The following NAALADL2 variants were observed in gnomAD, a reference collection of about 807,000 sequenced individuals.
NAALADL2 encodes N-acetylated alpha-linked acidic dipeptidase like 2.
A neutral mutation model predicts 87.2 loss-of-function variants in NAALADL2; 76 were observed. That is an observed-to-expected ratio of 0.87 (90% CI 0.72 to 1.05). The LOEUF is 1.05. Ranked by LOEUF, NAALADL2 falls within the 50% of genes least tolerant of loss-of-function variation. The pLI is 0.00. For synonymous variants in NAALADL2, 354 were observed against 331.0 expected (o/e 1.07, Z -0.75); for missense variants, 1,089 against 945.8 (o/e 1.15, Z -1.99).
At chr3:175,767,972 A>T (rs1033189324) in intron 13 of NAALADL2, among the ~76,000 whole-genome samples, 1 of 152,202 alleles carries the variant, frequency 6.6e-6, no homozygotes, top group Admixed American at 6.5e-5. Flanking sequence ...TGCACTTCGA[A>T]AAATGTTTGT....
intron 1 of NAALADL2, among the ~76,000 whole-genome samples, chr3:174,501,344 CT>C (rs1175375588): frequency 7.0e-6 from 1 of 143,032 alleles, no homozygotes; most frequent in African/African-American, 3.1e-5. Flanking sequence ...TTCCAAAGTG[CT>C]GGGATTACAG....
chr3:175,561,868 C>T (rs1716327755), intron 9 of NAALADL2, among the ~76,000 whole-genome samples: 1 of 152,118 alleles, frequency 6.6e-6, no homozygotes, highest in African/African-American at 2.4e-5. Context: ...TTTTGTGTGA[C>T]TAGGTTATTT....
upstream of NAALADL2, among the ~76,000 whole-genome samples, chr3:174,855,903 G>T (rs867475234): frequency 2.2e-5 from 3 of 137,098 alleles, no homozygotes; most frequent in East Asian, 4.1e-4. Flanking sequence ...TATACACATA[G>T]ATATGAATAT....
intron 1 of NAALADL2, among the ~76,000 whole-genome samples, chr3:175,027,209 T>A (rs1395094650): frequency 6.6e-6 from 1 of 152,116 alleles, no homozygotes; most frequent in Non-Finnish European, 1.5e-5. Flanking sequence ...TTGTCTCAGA[T>A]CATAGCAGGT....
chr3:175,024,632 A>C (rs1751985545), intron 1 of NAALADL2, among the ~76,000 whole-genome samples: 1 of 152,154 alleles, frequency 6.6e-6, no homozygotes, highest in African/African-American at 2.4e-5. Flanking sequence ...ATAGTGAAAC[A>C]TAAATTTTTT....
intron 1 of NAALADL2, among the ~76,000 whole-genome samples, chr3:175,095,147 ATTCTTAT>A (rs1378648765): frequency 6.6e-6 from 1 of 151,950 alleles, no homozygotes; most frequent in Non-Finnish European, 1.5e-5. Context: ...CAAATGGGGC[ATTCTTAT>A]TCTCTCTTTG....
chr3:175,313,509 A>T (rs963074746), intron 4 of NAALADL2, among the ~76,000 whole-genome samples: 1 of 152,194 alleles, frequency 6.6e-6, no homozygotes, highest in East Asian at 1.9e-4. Context: ...GTGGTAGTTC[A>T]GGATGCCATA....
intron 11 of NAALADL2, among the ~76,000 whole-genome samples, chr3:175,710,320 A>G (rs1740353314): frequency 6.6e-6 from 1 of 151,958 alleles, no homozygotes; most frequent in South Asian, 2.1e-4. Context: ...GAAGATTTTT[A>G]TTGTGAAGTA....
Position 175,236,565 on chromosome 3 carries a change from A to AAAG in NAALADL2, c.819+2367_819+2369dup, listed in dbSNP as rs1435702495. 1.2e-4 allele frequency among the ~76,000 whole-genome samples: 17 copies of AAAG among 147,654 alleles called. 1 individual carries two copies. Among genetic ancestry groups the AAAG allele is most frequent in the Non-Finnish European group, 1.5e-4 (10 of 67,110 alleles). ...CTCCTTCTCAAAAAAAAAAAAAAAA[A>AAAG]AAGAAGAAAAAGCGGGGGTGGGTAT... On this transcript the variant is annotated intron_variant, in intron 3 of 13. Coordinates refer to ENST00000454872, the MANE Select transcript of NAALADL2 (RefSeq NM_207015.3).
chr3:175,600,827 G>A (rs139793347), intron 10 of NAALADL2, among the ~76,000 whole-genome samples: 2,290 of 152,080 alleles, frequency 0.015, 58 homozygotes, highest in African/African-American at 0.053. Context: ...GTGAGCCACC[G>A]CGCCCGGCCG....
At chr3:175,656,591 T>C (rs189299736) in intron 11 of NAALADL2, among the ~76,000 whole-genome samples, 2,535 of 151,538 alleles carry the variant, frequency 0.017, 76 homozygotes, top group African/African-American at 0.059. Context: ...ATTTAGAAAG[T>C]ATTTTTTTTA....
At position 175,289,307 on chromosome 3, in the gene NAALADL2, C is replaced by T. The variant is rs1192229459; in HGVS notation, c.939+32777C>T. On this transcript the variant is annotated intron_variant, in intron 4 of 13. Coordinates refer to ENST00000454872, the MANE Select transcript of NAALADL2 (RefSeq NM_207015.3). ...AATAAACTTAAATTTGGAGCATCAC[C>T]GCCATCTGATTTTAAGACTTCTATA... 2.0e-5 allele frequency among the ~76,000 whole-genome samples: 3 copies of T among 151,968 alleles called. No homozygotes were observed. The East Asian group carries it at 5.8e-4, about 29-fold the overall frequency.
chr3:174,712,283 G>A (rs971485623), intron 2 of NAALADL2, among the ~76,000 whole-genome samples: 6 of 151,050 alleles, frequency 4.0e-5, no homozygotes, highest in South Asian at 4.2e-4. Flanking sequence ...ATAAGGGTAC[G>A]TCTGGCTCCT....
At chr3:174,452,924 C>CT (rs1230988958) in intron 1 of NAALADL2, among the ~76,000 whole-genome samples, 1 of 152,134 alleles carries the variant, frequency 6.6e-6, no homozygotes, top group African/African-American at 2.4e-5. Flanking sequence ...GCGTTCTGAA[C>CT]TGGGACTGAG....
intron 2 of NAALADL2, among the ~76,000 whole-genome samples, chr3:174,565,561 T>C (rs955008588): frequency 6.6e-6 from 1 of 152,088 alleles, no homozygotes; most frequent in African/African-American, 2.4e-5. Flanking sequence ...AGTTTGTTTA[T>C]CCACTCACTT....
chr3:174,855,086 G>C (rs893120028), upstream of NAALADL2, among the ~76,000 whole-genome samples: 1 of 151,902 alleles, frequency 6.6e-6, no homozygotes, highest in East Asian at 1.9e-4. Context: ...TGATCCGCCC[G>C]CCTTGGCCTC....
intron 2 of NAALADL2, among the ~76,000 whole-genome samples, chr3:174,677,234 C>A (rs1258590688): frequency 6.7e-6 from 1 of 149,192 alleles, no homozygotes; most frequent in Non-Finnish European, 1.5e-5. Flanking sequence ...TGTGTTTAAA[C>A]TAAACATATT....
chr3:174,658,569 CTG>C (rs1466354473), intron 2 of NAALADL2, among the ~76,000 whole-genome samples: 4 of 152,048 alleles, frequency 2.6e-5, no homozygotes, highest in Non-Finnish European at 4.4e-5. Flanking sequence ...GTACAGAACA[CTG>C]TGTGGAAAAT....
intron 10 of NAALADL2, among the ~76,000 whole-genome samples, chr3:175,583,449 C>T (rs1360736941): frequency 7.1e-6 from 1 of 141,532 alleles, no homozygotes; most frequent in African/African-American, 2.6e-5. Context: ...AGAAAAGCTG[C>T]TAAGAAACCT....
Sources: gnomAD v4.1 joint callset for allele counts (sites outside exome capture counted in the v4.1 genomes callset) on GRCh38, gnomAD v4.1.1 for gene constraint, MANE v1.5 for transcripts, NCBI Gene and HGNC (gene_info 2026-07-23, HGNC 2026-07-21) for gene names.